NRXN1: variants seen among roughly 807,000 people sequenced by gnomAD.
NRXN1 encodes the protein neurexin 1, also known as neurexin-1.
A neutral mutation model predicts 150.9 loss-of-function variants in NRXN1; 39 were observed. The observed-to-expected ratio is 0.26, with a 90% CI of 0.20 to 0.34. The LOEUF (loss-of-function observed/expected upper bound fraction) is 0.34. Among genes scored for constraint, NRXN1 ranks in the 10% least tolerant of loss-of-function variants. The pLI, the probability that NRXN1 is intolerant of heterozygous loss-of-function variation, is 1.00. For missense variants in NRXN1, 1,815 were observed against 1,949.9 expected (o/e 0.93, Z 1.30); for synonymous variants, 924 against 757.0 (o/e 1.22, Z -3.62).
chr2:50,784,596 A>G (rs1325533736), intron 5 of NRXN1, among the ~76,000 whole-genome samples: 1 of 152,128 alleles, frequency 6.6e-6, no homozygotes, highest in African/African-American at 2.4e-5. Context: ...ATTATGTAAG[A>G]CCATATGGAC....
intron 5 of NRXN1, among the ~76,000 whole-genome samples, chr2:50,700,169 A>C (rs542024211): frequency 7.2e-5 from 11 of 152,318 alleles, no homozygotes; most frequent in Non-Finnish European, 1.0e-4. Context: ...GTTAATTTAA[A>C]AGTGAATCCA....
chr2:50,903,212 G>C (rs1275707958), intron 5 of NRXN1, among the ~76,000 whole-genome samples: 4 of 152,024 alleles, frequency 2.6e-5, no homozygotes, highest in South Asian at 2.1e-4. Flanking sequence ...GAATTGATTT[G>C]AGGACCCTTT....
At chr2:50,853,507 T>C (rs981561249) in intron 5 of NRXN1, among the ~76,000 whole-genome samples, 1 of 152,126 alleles carries the variant, frequency 6.6e-6, no homozygotes, top group Admixed American at 6.5e-5. Flanking sequence ...GTACTGGAAA[T>C]TATTTGTCAG....
chr2:50,894,951 T>C (rs945340593), intron 5 of NRXN1, among the ~76,000 whole-genome samples: 4 of 152,190 alleles, frequency 2.6e-5, no homozygotes, highest in African/African-American at 9.6e-5. Context: ...TAAAATAATA[T>C]TACTCCTTCA....
chr2:50,218,999 C>T (rs1385421070), intron 18 of NRXN1, among the ~76,000 whole-genome samples: 1 of 151,284 alleles, frequency 6.6e-6, no homozygotes, highest in African/African-American at 2.4e-5. Flanking sequence ...TAAATGTTTG[C>T]TTCATTGTGG....
chr2:50,932,677 A>G (rs1023789044), intron 2 of NRXN1, among the ~76,000 whole-genome samples: 11 of 152,094 alleles, frequency 7.2e-5, no homozygotes, highest in African/African-American at 2.7e-4. Context: ...AATCGCCACT[A>G]AAGAACTTAT....
intron 22 of NRXN1, among the ~76,000 whole-genome samples, chr2:49,935,525 A>T (rs2104272948): frequency 6.6e-6 from 1 of 152,260 alleles, no homozygotes; most frequent in Non-Finnish European, 1.5e-5. Flanking sequence ...ATGAGTAAGG[A>T]GTAACTCATG....
intron 5 of NRXN1, among the ~76,000 whole-genome samples, chr2:50,809,316 G>C (rs921535017): frequency 6.6e-6 from 1 of 152,000 alleles, no homozygotes; most frequent in South Asian, 2.1e-4. Context: ...GAAGCCATAA[G>C]CCCAAACATT....
chr2:50,492,359 C>G (rs1394642977), intron 15 of NRXN1, among the ~76,000 whole-genome samples: 1 of 152,138 alleles, frequency 6.6e-6, no homozygotes. Context: ...TGAACAAGGC[C>G]AGCTGCATGG....
At chr2:50,283,878 T>A (rs2071779750) in intron 17 of NRXN1, among the ~76,000 whole-genome samples, 1 of 152,146 alleles carries the variant, frequency 6.6e-6, no homozygotes, top group Admixed American at 6.6e-5. Context: ...AAGGCTAGAT[T>A]TGGAGAACTC....
At chr2:50,532,139 C>G (rs2093132882) in intron 10 of NRXN1, among the ~76,000 whole-genome samples, 1 of 152,082 alleles carries the variant, frequency 6.6e-6, no homozygotes, top group Non-Finnish European at 1.5e-5. Context: ...CCTCCAGCAA[C>G]TTTTCAATGC....
intron 21 of NRXN1, among the ~76,000 whole-genome samples, chr2:49,947,473 T>C (rs1205544485): frequency 1.3e-5 from 2 of 151,584 alleles, no homozygotes; most frequent in African/African-American, 2.4e-5. Flanking sequence ...TTCTTTCCTC[T>C]TCCTCTCTTC....
chr2:50,162,518 T>C (rs2059422825), intron 18 of NRXN1, among the ~76,000 whole-genome samples: 1 of 152,038 alleles, frequency 6.6e-6, no homozygotes, highest in South Asian at 2.1e-4. Flanking sequence ...CAGTGCACTA[T>C]GAAATAAACT....
chr2:49,939,013 A>G (rs1313202063), intron 22 of NRXN1, among the ~76,000 whole-genome samples: 1 of 152,312 alleles, frequency 6.6e-6, no homozygotes, highest in East Asian at 1.9e-4. Flanking sequence ...TTTCAAAGAC[A>G]TTTTATAAAA....
intron 5 of NRXN1, among the ~76,000 whole-genome samples, chr2:50,734,063 C>T (rs917511226): frequency 2.6e-5 from 4 of 152,042 alleles, no homozygotes; most frequent in Admixed American, 6.6e-5. Context: ...CATTTGACAA[C>T]ATGTAAAGAC....
chr2:50,612,203 T>C (rs981306846), intron 8 of NRXN1, among the ~76,000 whole-genome samples: 9 of 152,164 alleles, frequency 5.9e-5, no homozygotes, highest in African/African-American at 2.2e-4. Context: ...CATGTCTTCA[T>C]TTGCCAAATA....
intron 18 of NRXN1, among the ~76,000 whole-genome samples, chr2:50,220,356 G>A (rs2063791478): frequency 6.6e-6 from 1 of 151,816 alleles, no homozygotes; most frequent in Admixed American, 6.6e-5. Context: ...AGACTATGCC[G>A]TGAGTCTTAA....
chr2:50,950,576 G>A (rs1691154850), intron 2 of NRXN1, among the ~76,000 whole-genome samples: 1 of 152,118 alleles, frequency 6.6e-6, no homozygotes, highest in Admixed American at 6.6e-5. Flanking sequence ...GTCTTTCTTG[G>A]AAGGGACTAT....
intron 17 of NRXN1, among the ~76,000 whole-genome samples, chr2:50,405,735 C>A (rs1345006195): frequency 6.6e-6 from 1 of 152,080 alleles, no homozygotes; most frequent in African/African-American, 2.4e-5. Context: ...ATTACTCACT[C>A]ACGTGACTCA....
Sources: allele counts gnomAD v4.1 joint callset (sites outside exome capture counted in the v4.1 genomes callset), GRCh38; gene constraint gnomAD v4.1.1; transcripts MANE v1.5; gene names NCBI Gene and HGNC (gene_info 2026-07-23, HGNC 2026-07-21).